CRYBB1: variants seen among roughly 807,000 people sequenced by gnomAD.
CRYBB1 encodes beta-crystallin B1.
Under a neutral mutation model 29.5 loss-of-function variants are expected in CRYBB1, and 16 were observed. The ratio of observed to expected loss-of-function variants is 0.54; its 90% CI spans 0.37 to 0.82. The LOEUF (loss-of-function observed/expected upper bound fraction) is 0.82, where lower values mean the gene tolerates loss of function less well. Ranked by LOEUF, CRYBB1 falls within the 40% of genes least tolerant of loss-of-function variation. The pLI is 0.00. For synonymous variants in CRYBB1, 127 were observed against 136.7 expected, an observed-to-expected ratio of 0.93 and a Z score of 0.49; for missense variants, 300 against 350.5, an observed-to-expected ratio of 0.86 and a Z score of 1.15.
intron 4 of CRYBB1, among the ~76,000 whole-genome samples, chr22:26,603,536 A>G (rs1928886971): frequency 6.7e-6 from 1 of 150,102 alleles, no homozygotes; most frequent in South Asian, 2.1e-4. Flanking sequence ...TCAAACAACA[A>G]CAACAAAAAA....
chr22:26,602,889 C>T (rs1334004477), intron 4 of CRYBB1, among the ~76,000 whole-genome samples: 1 of 151,920 alleles, frequency 6.6e-6, no homozygotes. Flanking sequence ...TTTGGGAGGC[C>T]GAGGCGGGCA....
At chr22:26,600,252 A>T (rs1928779718) in intron 5 of CRYBB1, among the ~76,000 whole-genome samples, 1 of 152,122 alleles carries the variant, frequency 6.6e-6, no homozygotes, top group African/African-American at 2.4e-5. Flanking sequence ...ATACAAAAAA[A>T]TTAGCAGGGT....
chr22:26,615,647 G>A (rs1776186395), intron 2 of CRYBB1, among the ~76,000 whole-genome samples: 1 of 152,002 alleles, frequency 6.6e-6, no homozygotes. Context: ...CCAAGTAGCT[G>A]GGATTACAGG....
intron 3 of CRYBB1, among the ~76,000 whole-genome samples, chr22:26,608,872 C>T (rs766786443): frequency 1.1e-4 from 16 of 151,736 alleles, no homozygotes; most frequent in Non-Finnish European, 2.2e-4. Flanking sequence ...AATGTGATAG[C>T]GCTTATGAAG....
chr22:26,617,391 C>G (rs879684204), intron 1 of CRYBB1, among the ~76,000 whole-genome samples: 6 of 152,220 alleles, frequency 3.9e-5, no homozygotes, highest in African/African-American at 7.2e-5. Context: ...CGAACACATT[C>G]TGTAAGGCGG....
intron 4 of CRYBB1, among the ~76,000 whole-genome samples, chr22:26,602,490 C>T (rs1928851163): frequency 6.6e-6 from 1 of 151,654 alleles, no homozygotes; most frequent in South Asian, 2.1e-4. Context: ...ACTTGGAAGG[C>T]TGAGGCAGGA....
At chr22:26,613,945 C>G (rs76486034) in intron 2 of CRYBB1, among the ~76,000 whole-genome samples, 1 of 152,212 alleles carries the variant, frequency 6.6e-6, no homozygotes, top group Non-Finnish European at 1.5e-5. Context: ...ACTGGCCCCC[C>G]TGGGCGTGGT....
At position 26,599,550 on chromosome 22, in the gene CRYBB1, ACG is replaced by A; in HGVS notation, c.697_698del (p.Arg233Ter). 6.2e-7 allele frequency: 1 copy of A among 1,614,134 alleles called. No homozygotes were observed. Among genetic ancestry groups the A allele is most frequent in the Non-Finnish European group, 8.5e-7 (1 of 1,180,044 alleles). Reference protein sequence around the residue: ...QPQMQSLRRLRDKQWHLEGSF... With the variant: ...QPQMQSLRRLXDKQWHLEGSF... ...ACCCCTCGAGGTGCCACTGCTTGTC[ACG>A]CAGGCGACGCAGGGACTGCATCTGT... On this transcript the variant is annotated frameshift_variant, in exon 6 of 6. Transcript: ENST00000647684. LOFTEE classifies it high-confidence loss of function.
intron 2 of CRYBB1, among the ~76,000 whole-genome samples, 198 bp from the exon 3 acceptor site, chr22:26,612,388 A>G (rs1028934124): frequency 3.9e-5 from 6 of 152,038 alleles, no homozygotes; most frequent in Non-Finnish European, 8.8e-5. Context: ...TGTTTTTCTG[A>G]GTCTCACTCT....
intron 3 of CRYBB1, 95 bp downstream of exon 3, chr22:26,611,977 G>A (rs888505928): frequency 1.7e-5 from 15 of 896,484 alleles, no homozygotes; most frequent in Non-Finnish European, 2.4e-5. Context: ...ACGAACGGCC[G>A]CAGGCACAGA....
At chr22:26,612,878 C>T (rs1245958862) in intron 2 of CRYBB1, among the ~76,000 whole-genome samples, 1 of 152,140 alleles carries the variant, frequency 6.6e-6, no homozygotes, top group African/African-American at 2.4e-5. Context: ...TCTCTGATTG[C>T]CCCTTCCTCC....
At chr22:26,611,766 G>T (rs142124069) in intron 3 of CRYBB1, among the ~76,000 whole-genome samples, 1,726 of 152,194 alleles carry the variant, frequency 0.011, 29 homozygotes, top group African/African-American at 0.039. Flanking sequence ...GAGCCACCGC[G>T]CCCGGCCGGG....
rs74315488 is a variant in CRYBB1 at position 26,599,591 on chromosome 22, C to A, written c.658G>T (p.Gly220Ter). The change falls in exon 6 of 6, where the codon GGA (glycine) becomes TGA (stop). Residue 220 changes from glycine (G) to a stop codon, truncating the protein, a stop_gained. Coordinates refer to ENST00000647684, the MANE Select transcript of CRYBB1 (RefSeq NM_001887.4). LOFTEE classifies it high-confidence loss of function. Reference protein sequence around the residue: ...PGDFRHWNEWGAFQPQMQSLR... With the variant: ...PGDFRHWNEW ...GACTGCATCTGTGGCTGGAAGGCTC[C>A]CCACTCATTCCAGTGCCGGAAGTCA... is the stretch of plus-strand genomic sequence containing the variant. 6.2e-7 allele frequency: 1 copy of A among 1,614,164 alleles called. No homozygotes were observed. Among genetic ancestry groups the A allele is most frequent in the Non-Finnish European group, 8.5e-7 (1 of 1,180,000 alleles).
At chr22:26,609,209 A>G (rs1437410946) in intron 3 of CRYBB1, among the ~76,000 whole-genome samples, 14 of 152,238 alleles carry the variant, frequency 9.2e-5, no homozygotes. Flanking sequence ...ATGATGGGCT[A>G]TCACCATGGG....
intron 1 of CRYBB1, among the ~76,000 whole-genome samples, chr22:26,617,393 G>C (rs1348370461): frequency 6.6e-6 from 1 of 152,182 alleles, no homozygotes; most frequent in Non-Finnish European, 1.5e-5. Context: ...AACACATTCT[G>C]TAAGGCGGAG....
intron 1 of CRYBB1, 104 bp downstream of exon 1, chr22:26,617,873 C>T (rs923679465): frequency 6.5e-6 from 1 of 153,276 alleles, no homozygotes; most frequent in African/African-American, 2.4e-5. Context: ...CATGGCCCTG[C>T]TCTCTGACTC....
intron 4 of CRYBB1, 138 bp from the exon 5 acceptor site, chr22:26,602,159 G>A (rs879079474): frequency 9.2e-7 from 1 of 1,085,896 alleles, no homozygotes; most frequent in Non-Finnish European, 1.4e-6. Context: ...GACCACTGCT[G>A]TCTAGTCTGG....
Position 26,616,083 on chromosome 22 carries a change from G to A in CRYBB1, c.180+57C>T. ...AAGAGGAGGAGGAGAAGAAGGAGGAGGAGGGAAGGAAGGAAAGAAGGCATG... is the reference window on the plus strand; with the variant it reads ...AAGAGGAGGAGGAGAAGAAGGAGGAAGAGGGAAGGAAGGAAAGAAGGCATG... On this transcript the variant is annotated intron_variant, in intron 2 of 5. Coordinates refer to ENST00000647684, the MANE Select transcript of CRYBB1 (RefSeq NM_001887.4). 3.7e-6 allele frequency: 5 copies of A among 1,338,894 alleles called. No individual in the cohort carries two copies. The South Asian group carries it at 5.9e-5, about 16-fold the overall frequency. The allele number at this position is 1,338,894 out of a possible 1,614,324, so 82.9% of individuals were successfully genotyped here. A position where few individuals can be genotyped will look rare whatever the true frequency, so the allele number is the denominator to read the frequency against.
intron 3 of CRYBB1, among the ~76,000 whole-genome samples, chr22:26,610,967 G>A (rs954551078): frequency 6.6e-6 from 1 of 152,140 alleles, no homozygotes; most frequent in Non-Finnish European, 1.5e-5. Context: ...AAGAGCAAAC[G>A]AGCTGCGTGG....
Sources: allele counts gnomAD v4.1 joint callset (sites outside exome capture counted in the v4.1 genomes callset), GRCh38; gene constraint gnomAD v4.1.1; transcripts MANE v1.5; gene names NCBI Gene and HGNC (gene_info 2026-07-23, HGNC 2026-07-21).